Variants in RASGRF1 observed in about 807,000 individuals in gnomAD.
RASGRF1 encodes the protein ras-specific guanine nucleotide-releasing factor 1.
A neutral mutation model predicts 138.7 loss-of-function variants in RASGRF1; 40 were observed. The ratio of observed to expected loss-of-function variants is 0.29; its 90% CI spans 0.22 to 0.38. The LOEUF (loss-of-function observed/expected upper bound fraction) is 0.38. RASGRF1 is among the 10% of genes least tolerant of loss of function. RASGRF1 has a pLI of 1.00. For missense variants in RASGRF1, 1,108 were observed against 1,650.4 expected (o/e 0.67, Z 5.69); for synonymous variants, 614 against 663.2 (o/e 0.93, Z 1.14).
At chr15:79,038,551 T>C (rs2057253391) in intron 5 of RASGRF1, among the ~76,000 whole-genome samples, 1 of 152,254 alleles carries the variant, frequency 6.6e-6, no homozygotes, top group Non-Finnish European at 1.5e-5. Flanking sequence ...TTCTTATATA[T>C]TGGCCATTTG....
At chr15:78,987,900 C>T (rs1028449770) in intron 22 of RASGRF1, among the ~76,000 whole-genome samples, 1 of 152,098 alleles carries the variant, frequency 6.6e-6, no homozygotes, top group African/African-American at 2.4e-5. Context: ...TACACCAGTA[C>T]CCCAGCTTGG....
At chr15:79,003,773 G>A in intron 15 of RASGRF1, 29 bp downstream of exon 15, 3 of 1,554,490 alleles carry the variant, frequency 1.9e-6, no homozygotes, top group African/African-American at 1.4e-5. Flanking sequence ...GGGAGGCTGG[G>A]GGGCAGCTCC....
In RASGRF1 at chr15:79,079,355, G is replaced by A. The variant is rs75678064; in HGVS notation, c.276+10868C>T. Among the ~76,000 whole-genome samples, 1,001 of 152,076 alleles carry A rather than the reference G, an allele frequency of 6.6e-3. 12 individuals carry two copies. The highest frequency in any genetic ancestry group is 0.023 in the African/African-American group (953 of 41,460). On this transcript the variant is annotated intron_variant, in intron 1 of 26. Coordinates refer to ENST00000558480, the MANE Select transcript of RASGRF1 (RefSeq NM_001145648.3). Reference sequence around the variant, plus strand: ...TTCAGCTTCTGTCAAAAACTTGGTTGGAAATGGCCCATGTGCAGGGATATT... The same window carrying A: ...TTCAGCTTCTGTCAAAAACTTGGTTAGAAATGGCCCATGTGCAGGGATATT...
At position 79,003,974 on chromosome 15, in the gene RASGRF1, G is replaced by A; in HGVS notation, c.2277C>T (p.Leu759=). The A allele has an allele frequency of 1.2e-6, 2 of 1,614,200 alleles. No individual in the cohort carries two copies. Among genetic ancestry groups the A allele is most frequent in the South Asian group, 2.2e-5 (2 of 91,082 alleles). ...TGGKALDLAA[L]SCNSNGYTSM... is the part of the protein sequence containing the mutation. ...TGGTGTAGCCATTGGAGTTGCAGCT[G>A]AGGGCGGCCAGGTCCAGGGCCTTGC... Residue 759 remains leucine, a synonymous_variant, in exon 15 of 27, where the codon CTC becomes CTT. Coordinates refer to ENST00000558480, the MANE Select transcript of RASGRF1 (RefSeq NM_001145648.3).
intron 10 of RASGRF1, among the ~76,000 whole-genome samples, chr15:79,023,961 CCACA>C (rs1295671929): frequency 2.0e-5 from 3 of 151,338 alleles, no homozygotes; most frequent in Non-Finnish European, 4.4e-5. Context: ...AAAACACATA[CCACA>C]CACACAGACA....
chr15:79,029,411 C>G (rs968848174), intron 8 of RASGRF1, among the ~76,000 whole-genome samples: 1 of 152,140 alleles, frequency 6.6e-6, no homozygotes, highest in East Asian at 1.9e-4. Flanking sequence ...GCGGGTAATT[C>G]CAAGGTAGCA....
intron 1 of RASGRF1, among the ~76,000 whole-genome samples, chr15:79,088,405 T>C (rs778027937): frequency 3.9e-5 from 6 of 152,212 alleles, no homozygotes; most frequent in Non-Finnish European, 8.8e-5. Flanking sequence ...GAAAGGTAGG[T>C]GTTATTATCT....
At chr15:78,978,215 C>CTTTTCTTTTCTTTTTTT (rs2055915117) in intron 24 of RASGRF1, among the ~76,000 whole-genome samples, 2 of 79,340 alleles carry the variant, frequency 2.5e-5, no homozygotes, top group African/African-American at 5.1e-5. Context: ...TTTTTCTTTT[C>CTTTTCTTTTCTTTTTTT]TTTTGTTTTT....
At chr15:79,056,335 A>T (rs1462867972) in intron 3 of RASGRF1, among the ~76,000 whole-genome samples, 1 of 151,904 alleles carries the variant, frequency 6.6e-6, no homozygotes, top group East Asian at 1.9e-4. Flanking sequence ...CTGGGGCTGG[A>T]CTCCTTCCCT....
intron 21 of RASGRF1, among the ~76,000 whole-genome samples, chr15:78,990,678 G>A (rs1843710719): frequency 6.6e-6 from 1 of 152,228 alleles, no homozygotes; most frequent in Admixed American, 6.5e-5. Flanking sequence ...GGGAATAGAA[G>A]GCCCTAAAAG....
At chr15:78,992,920 C>T (rs569387260) in intron 20 of RASGRF1, among the ~76,000 whole-genome samples, 3 of 151,868 alleles carry the variant, frequency 2.0e-5, no homozygotes, top group East Asian at 3.9e-4. Flanking sequence ...GCAGGAAACA[C>T]GGTTCCTGAC....
chr15:79,044,296 T>TTCC (rs890049055), intron 5 of RASGRF1, among the ~76,000 whole-genome samples: 1 of 152,148 alleles, frequency 6.6e-6, no homozygotes, highest in Admixed American at 6.5e-5. Context: ...GGAAAGTTCT[T>TTCC]TCCTCCTCCT....
chr15:79,005,974 C>T (rs919279897), intron 14 of RASGRF1, among the ~76,000 whole-genome samples: 2 of 152,112 alleles, frequency 1.3e-5, no homozygotes, highest in Non-Finnish European at 2.9e-5. Flanking sequence ...AGCAGTAGCA[C>T]CAGGCAGGTG....
rs541696334 is a variant in RASGRF1 at position 79,090,237 on chromosome 15, G to T, written c.262C>A (p.Pro88Thr). 4 of 1,606,592 alleles carry T rather than the reference G, an allele frequency of 2.5e-6. No individual in the cohort carries two copies. The Admixed American group carries it at 6.7e-5, about 27-fold the overall frequency. Reference sequence around the variant, plus strand: ...GCTCGCCTCACCTGTTTCTCCAGCGGCTCCTTGGCCGACAGCGCCGGCTTG... The same window carrying T: ...GCTCGCCTCACCTGTTTCTCCAGCGTCTCCTTGGCCGACAGCGCCGGCTTG... ...SPKPALSAKEPLEKQHYFTVN... is the reference protein window; with the variant it reads ...SPKPALSAKETLEKQHYFTVN... Residue 88 changes from proline to threonine, a missense_variant, in exon 1 of 27, where the codon CCG becomes ACG. This residue lies in a region of RASGRF1 where 253 missense variants were observed against 329.5 expected (regional missense o/e 0.77). Transcript: ENST00000558480.
At chr15:78,979,985 A>C (rs554739417) in intron 24 of RASGRF1, among the ~76,000 whole-genome samples, 1 of 152,360 alleles carries the variant, frequency 6.6e-6, no homozygotes, top group African/African-American at 2.4e-5. Context: ...TAGAGGCCAG[A>C]GATGCTGCTA....
intron 5 of RASGRF1, among the ~76,000 whole-genome samples, chr15:79,041,444 T>C (rs2057296057): frequency 6.6e-6 from 1 of 152,174 alleles, no homozygotes. Context: ...AAGAAATCTT[T>C]ATTTAAGTGT....
In RASGRF1 at chr15:79,025,333, C is replaced by A. The variant is rs148722229; in HGVS notation, c.1523G>T (p.Gly508Val). The change falls in exon 10 of 27, where the codon GGG becomes GTG. Residue 508 changes from glycine (G) to valine (V), a missense_variant. Gly to Val is a moderately radical substitution (Grantham distance 109). Transcript: ENST00000558480. ...HLIICTRGSG[G>V]KLHLTKNGVI... Reference sequence around the variant, plus strand: ...CCTTACCTTGGTCAAGTGAAGCTTCCCTCCAGAGCCTCTGGTACAGATAAT... The same window carrying A: ...CCTTACCTTGGTCAAGTGAAGCTTCACTCCAGAGCCTCTGGTACAGATAAT... The A allele has an allele frequency of 5.0e-6, 8 of 1,610,200 alleles. No homozygotes were observed. The highest frequency in any genetic ancestry group is 6.8e-6 in the Non-Finnish European group (8 of 1,177,212).
rs2055802814 is a variant in RASGRF1 at position 78,973,124 on chromosome 15, A to T, written c.3612+179T>A. On this transcript the variant is annotated intron_variant, in intron 25 of 26. Coordinates refer to ENST00000558480, the MANE Select transcript of RASGRF1 (RefSeq NM_001145648.3). This position sits in a 1 kb window ranked among gnomAD's most constrained non-coding sequence, Gnocchi z 4.9. ...GAAAGCATGGCTCAGGGCCTGCCAGATTCTAACTGCTCATCAATGATAGTG... is the reference window on the plus strand; with the variant it reads ...GAAAGCATGGCTCAGGGCCTGCCAGTTTCTAACTGCTCATCAATGATAGTG... Among the ~76,000 whole-genome samples, 1 of 152,176 alleles carries T rather than the reference A, an allele frequency of 6.6e-6. No homozygotes were observed.
intron 1 of RASGRF1, among the ~76,000 whole-genome samples, chr15:79,081,781 G>A (rs946691426): frequency 2.0e-5 from 3 of 152,218 alleles, no homozygotes; most frequent in Non-Finnish European, 4.4e-5. Flanking sequence ...GTGCCAGGGA[G>A]GCATAGGCCT....
Sources: allele counts gnomAD v4.1 joint callset (sites outside exome capture counted in the v4.1 genomes callset), GRCh38; gene constraint gnomAD v4.1.1; regional missense constraint gnomAD v4.1.1; non-coding constraint Gnocchi (gnomAD v3.1); transcripts MANE v1.5; gene names NCBI Gene and HGNC (gene_info 2026-07-23, HGNC 2026-07-21).